Variants in DUOXA1 observed in about 807,000 individuals in gnomAD.
DUOXA1 encodes the protein dual oxidase activator 1.
Under a neutral mutation model 26.6 loss-of-function variants are expected in DUOXA1, and 19 were observed. The ratio of observed to expected loss-of-function variants is 0.71; its 90% CI spans 0.50 to 1.05. The LOEUF is 1.05. Among genes scored for constraint, DUOXA1 ranks in the 50% least tolerant of loss-of-function variants. The pLI is 0.00. For synonymous variants in DUOXA1, 166 were observed against 177.0 expected (o/e 0.94, Z 0.49); for missense variants, 403 against 427.5 (o/e 0.94, Z 0.51).
At chr15:45,126,713 T>G (rs927255014) in intron 3 of DUOXA1, among the ~76,000 whole-genome samples, 21 of 152,238 alleles carry the variant, frequency 1.4e-4, no homozygotes, top group African/African-American at 4.3e-4. Flanking sequence ...ATGAATGAGT[T>G]CCTCTCCCCA....
intron 7 of DUOXA1, 55 bp downstream of exon 7, chr15:45,120,537 C>T (rs957831683): frequency 4.4e-6 from 7 of 1,590,058 alleles, no homozygotes; most frequent in Non-Finnish European, 5.2e-6. Context: ...GGTAGAAACC[C>T]TGTTCCTGAA....
chr15:45,124,288 G>A (rs79938912), intron 3 of DUOXA1, among the ~76,000 whole-genome samples: 2,436 of 152,250 alleles, frequency 0.016, 72 homozygotes, highest in African/African-American at 0.056. Flanking sequence ...TTAAAAATTT[G>A]AGATAGTAAT....
At position 45,118,434 on chromosome 15, in the gene DUOXA1, T is replaced by A. The variant is rs1292009863; in HGVS notation, c.*672A>T. The A allele has an allele frequency of 9.8e-7, 1 of 1,020,306 alleles. No individual in the cohort carries two copies. Among genetic ancestry groups the A allele is most frequent in the East Asian group, 9.4e-5 (1 of 10,694 alleles). 63.2% of individuals were successfully genotyped at this position (1,020,306 alleles called of 1,614,324 possible). On this transcript the variant is annotated 3_prime_UTR_variant, in exon 9 of 9. Transcript: ENST00000560572. The stretch of plus-strand genomic sequence containing the variant: ...GGAGTTGATTCCCTAACTTCCCACC[T>A]GGCTTCTTGTGAGGTGGTGTTTGAG...
At position 45,129,024 on chromosome 15, in the gene DUOXA1, C is replaced by T. The variant is rs564880263; in HGVS notation, c.-36G>A. 1 of 152,492 alleles carries T rather than the reference C, an allele frequency of 6.6e-6. No homozygotes were observed. Among genetic ancestry groups the T allele is most frequent in the East Asian group, 1.9e-4 (1 of 5,182 alleles). 9.4% of individuals were successfully genotyped at this position (152,492 alleles called of 1,614,324 possible). ...CCGGACCACTATTCCCTACCTTCCC[C>T]TCTTCCAAACAGTGCGTGTGTGGCA... On this transcript the variant is annotated 5_prime_UTR_variant, in exon 3 of 9. Transcript: ENST00000560572. This position sits in a 1 kb window ranked among gnomAD's most constrained non-coding sequence, Gnocchi z 4.1.
At chr15:45,121,520 A>G (rs1216271869) in intron 5 of DUOXA1, among the ~76,000 whole-genome samples, 1 of 152,108 alleles carries the variant, frequency 6.6e-6, no homozygotes, top group Non-Finnish European at 1.5e-5. Context: ...TAGCTTCAAC[A>G]AAAACTTTCT....
rs946139552 is a variant in DUOXA1 at position 45,120,454 on chromosome 15, T to C, written c.555-134A>G. On this transcript the variant is annotated intron_variant, in intron 7 of 8. Transcript: ENST00000560572. The stretch of plus-strand genomic sequence containing the variant: ...AGGTAGGGATTCCTTCCCATGGACT[T>C]CCCAAGCCAGCACCATGGGGACTGG... 4.1e-6 allele frequency: 6 copies of C among 1,451,928 alleles called. No homozygotes were observed. In the African/African-American group the frequency reaches 8.4e-5, roughly 20 times the overall value. The allele number at this position is 1,451,928 out of a possible 1,614,324, so 89.9% of individuals were successfully genotyped here.
At chr15:45,127,826 G>A (rs1271648769) in intron 3 of DUOXA1, among the ~76,000 whole-genome samples, 9 of 152,180 alleles carry the variant, frequency 5.9e-5, no homozygotes, top group Admixed American at 5.2e-4. Flanking sequence ...ACCATGACTA[G>A]GATGTATGCA....
chr15:45,118,159 C>A lies in DUOXA1; in HGVS notation c.*947G>T, dbSNP rs1250006787. 2 of 1,437,722 alleles carry A rather than the reference C, an allele frequency of 1.4e-6. No homozygotes were observed. The allele number at this position is 1,437,722 out of a possible 1,614,324, so 89.1% of individuals were successfully genotyped here. On this transcript the variant is annotated 3_prime_UTR_variant, in exon 9 of 9. Transcript: ENST00000560572. ...TCTCCGCGCCGGGGTCGCACGTCCT[C>A]ATGAGCTTCGCTGGGCTGGAGACAG...
chr15:45,121,675 C>T (rs1441353356), intron 5 of DUOXA1, among the ~76,000 whole-genome samples: 1 of 152,216 alleles, frequency 6.6e-6, no homozygotes, highest in Non-Finnish European at 1.5e-5. Context: ...CCATCATGCC[C>T]AGCTAATTTT....
At chr15:45,122,089 C>T in intron 5 of DUOXA1, 96 bp downstream of exon 5, 1 of 1,388,348 alleles carries the variant, frequency 7.2e-7, no homozygotes, top group South Asian at 1.2e-5. Context: ...AAGCAAGGGC[C>T]CACCGCTGTG....
chr15:45,121,311 T>A (rs1689752671), intron 5 of DUOXA1, 90 bp from the exon 6 acceptor site: 5 of 1,582,322 alleles, frequency 3.2e-6, no homozygotes, highest in Non-Finnish European at 4.3e-6. Context: ...GGGGTCCATG[T>A]CTGTTTTGGT....
Position 45,123,031 on chromosome 15 carries a change from A to G in DUOXA1, c.-17T>C, listed in dbSNP as rs773633940. On this transcript the variant is annotated 5_prime_UTR_variant, in exon 4 of 9. Transcript: ENST00000560572. The stretch of plus-strand genomic sequence containing the variant: ...AGTAGCCATCTTGGTGAGGTGGTGC[A>G]GGGGGGGCAATGCTGTACAACAACA... The G allele has an allele frequency of 2.5e-6, 4 of 1,602,550 alleles. No homozygotes were observed. Among genetic ancestry groups the G allele is most frequent in the Non-Finnish European group, 3.4e-6 (4 of 1,174,136 alleles).
intron 5 of DUOXA1, 87 bp downstream of exon 5, chr15:45,122,098 T>C (rs767207265): frequency 9.7e-5 from 141 of 1,452,744 alleles, no homozygotes; most frequent in Admixed American, 3.3e-4. Context: ...CCCACCGCTG[T>C]GGGGAAACAA....
chr15:45,125,711 C>A (rs1895625723), intron 3 of DUOXA1, among the ~76,000 whole-genome samples: 1 of 152,186 alleles, frequency 6.6e-6, no homozygotes, highest in Non-Finnish European at 1.5e-5. Flanking sequence ...TCTCCAGGGG[C>A]TCCTGCTTTT....
At chr15:45,119,657 G>A (rs551357843) in intron 8 of DUOXA1, among the ~76,000 whole-genome samples, 63 of 152,224 alleles carry the variant, frequency 4.1e-4, no homozygotes, top group African/African-American at 1.5e-3. Context: ...AAAACCCTGG[G>A]GAAGGGCAGG....
At chr15:45,128,788 GT>G in intron 3 of DUOXA1, 1 of 152,304 alleles carries the variant, frequency 6.6e-6, no homozygotes, top group African/African-American at 2.4e-5. Flanking sequence ...TATAAACCTT[GT>G]GGCATTTATG....
rs567135373 is a variant in DUOXA1 at position 45,122,761 on chromosome 15, C to T, written c.147+107G>A. On this transcript the variant is annotated intron_variant, in intron 4 of 8. Coordinates refer to ENST00000560572, the MANE Select transcript of DUOXA1 (RefSeq NM_001276266.2). ...CCTGGGGTCGTGGCTATCTTTTCTC[C>T]GCACTGGGGTCTCCTTCCTTAGCCT... The T allele has an allele frequency of 4.5e-5, 61 of 1,370,180 alleles. No homozygotes were observed. The Middle Eastern group carries it at 1.1e-3, about 25-fold the overall frequency. 84.9% of individuals were successfully genotyped at this position (1,370,180 alleles called of 1,614,324 possible).
rs1013510236 is a variant in DUOXA1, at chr15:45,120,794, G to C, written c.352C>G (p.Gln118Glu). 6.2e-6 allele frequency: 10 copies of C among 1,614,102 alleles called. No homozygotes were observed. Among genetic ancestry groups the C allele is most frequent in the Non-Finnish European group, 8.5e-6 (10 of 1,180,010 alleles). The part of the protein sequence containing the change: ...VNITLTGTPV[Q>E]QLNETINYNE... The stretch of plus-strand genomic sequence containing the variant: ...TAATTGATGGTCTCATTCAGCTGCT[G>C]CACGGGGGTCCCTAGGGCACAAGGC... Residue 118 changes from glutamine to glutamate, a missense_variant, in exon 7 of 9, where the codon CAG becomes GAG. Transcript: ENST00000560572.
chr15:45,128,091 T>C (rs1170961184), intron 3 of DUOXA1, among the ~76,000 whole-genome samples: 1 of 152,174 alleles, frequency 6.6e-6, no homozygotes, highest in Non-Finnish European at 1.5e-5. Context: ...GGCTCCCTTA[T>C]GTACTGAAGA....
Sources: gnomAD v4.1 joint callset for allele counts (sites outside exome capture counted in the v4.1 genomes callset) on GRCh38, gnomAD v4.1.1 for gene constraint, Gnocchi (gnomAD v3.1) non-coding constraint, MANE v1.5 for transcripts, NCBI Gene and HGNC (gene_info 2026-07-23, HGNC 2026-07-21) for gene names.